KIAA0232: variants seen among roughly 807,000 people sequenced by gnomAD.
KIAA0232 encodes KIAA0232, also known as uncharacterized protein KIAA0232.
Under a neutral mutation model 122.0 loss-of-function variants are expected in KIAA0232, and 27 were observed. The ratio of observed to expected loss-of-function variants is 0.22; its 90% confidence interval spans 0.16 to 0.31. The LOEUF (loss-of-function observed/expected upper bound fraction) is 0.31, where lower values mean the gene tolerates loss of function less well. KIAA0232 is among the 10% of genes least tolerant of loss of function. The pLI is 1.00. For synonymous variants in KIAA0232, 613 were observed against 587.6 expected, an observed-to-expected ratio of 1.04 and a Z score of -0.63; for missense variants, 1,551 against 1,634.2, an observed-to-expected ratio of 0.95 and a Z score of 0.88.
chr4:6,782,800 G>A lies in KIAA0232; in HGVS notation c.-395G>A, dbSNP rs1413531901. 6.7e-6 allele frequency: 1 copy of A among 148,606 alleles called. No individual in the cohort carries two copies. Among genetic ancestry groups the A allele is most frequent in the African/African-American group, 2.4e-5 (1 of 41,018 alleles). 9.2% of individuals were successfully genotyped at this position (148,606 alleles called of 1,614,324 possible). ...CGCAGCCCCTCGGAGCCAGAGGAGAGGCGCCCCCGCCGGCCGCCGCGCCGC... is the reference window on the plus strand; with the variant it reads ...CGCAGCCCCTCGGAGCCAGAGGAGAAGCGCCCCCGCCGGCCGCCGCGCCGC... On this transcript the variant is annotated 5_prime_UTR_variant, in exon 1 of 10. Transcript: ENST00000307659.
intron 2 of KIAA0232, among the ~76,000 whole-genome samples, chr4:6,816,241 T>C (rs1288374558): frequency 2.0e-5 from 3 of 152,018 alleles, no homozygotes; most frequent in Non-Finnish European, 4.4e-5. Flanking sequence ...GCATCTGTAC[T>C]CATGAGGCAT....
rs1722149822 is a variant in KIAA0232, at chr4:6,882,808, A to G, written c.*1842A>G. On this transcript the variant is annotated 3_prime_UTR_variant, in exon 10 of 10. Transcript: ENST00000307659. Reference sequence around the variant, plus strand: ...TAACAGCAAAAGTAAAAAAGGATTGAAAGTTGTAAATTCCTCATATCACTA... The same window carrying G: ...TAACAGCAAAAGTAAAAAAGGATTGGAAGTTGTAAATTCCTCATATCACTA... 4 of 152,704 alleles carry G rather than the reference A, an allele frequency of 2.6e-5. No individual in the cohort carries two copies. In the South Asian group the frequency reaches 8.3e-4, roughly 32 times the overall value. The allele number at this position is 152,704 out of a possible 1,614,324, so 9.5% of individuals were successfully genotyped here. A position where few individuals can be genotyped will look rare whatever the true frequency, so the allele number is the denominator to read the frequency against.
intron 8 of KIAA0232, among the ~76,000 whole-genome samples, chr4:6,875,412 C>T (rs970360952): frequency 3.3e-5 from 5 of 152,234 alleles, no homozygotes; most frequent in African/African-American, 1.2e-4. Flanking sequence ...AATCCCAGAG[C>T]CTGGGGTATT....
rs577830539 is a variant in KIAA0232 at position 6,882,819 on chromosome 4, T to C, written c.*1853T>C. 4 of 152,812 alleles carry C rather than the reference T, an allele frequency of 2.6e-5. No homozygotes were observed. The South Asian group carries it at 6.2e-4, about 24-fold the overall frequency. The allele number at this position is 152,812 out of a possible 1,614,324, so 9.5% of individuals were successfully genotyped here. A position where few individuals can be genotyped will look rare whatever the true frequency, so the allele number is the denominator to read the frequency against. ...GTAAAAAAGGATTGAAAGTTGTAAA[T>C]TCCTCATATCACTACAGTGACGATT... On this transcript the variant is annotated 3_prime_UTR_variant, in exon 10 of 10. Coordinates refer to ENST00000307659, the MANE Select transcript of KIAA0232 (RefSeq NM_014743.3).
intron 1 of KIAA0232, among the ~76,000 whole-genome samples, chr4:6,799,175 C>T (rs981898270): frequency 1.4e-4 from 21 of 151,526 alleles, no homozygotes; most frequent in African/African-American, 4.9e-4. Flanking sequence ...CTGCAGTCTC[C>T]GCATCTGTCT....
chr4:6,846,495 G>A (rs1487442836), intron 4 of KIAA0232, among the ~76,000 whole-genome samples: 1 of 151,926 alleles, frequency 6.6e-6, no homozygotes, highest in Non-Finnish European at 1.5e-5. Flanking sequence ...TAGGGTGAAC[G>A]CTCCTTATAA....
At chr4:6,852,341 C>G (rs139127123) in intron 4 of KIAA0232, among the ~76,000 whole-genome samples, 328 of 152,242 alleles carry the variant, frequency 2.2e-3, no homozygotes, top group Middle Eastern at 6.8e-3. Flanking sequence ...TATTCTCAGT[C>G]TTCTCAGTTG....
At chr4:6,849,331 A>G (rs1432821954) in intron 4 of KIAA0232, among the ~76,000 whole-genome samples, 1 of 152,222 alleles carries the variant, frequency 6.6e-6, no homozygotes, top group Non-Finnish European at 1.5e-5. Flanking sequence ...CTGCAAGAAT[A>G]TAATTCCTGG....
intron 2 of KIAA0232, among the ~76,000 whole-genome samples, chr4:6,823,952 C>G (rs548853746): frequency 3.9e-5 from 6 of 152,096 alleles, no homozygotes; most frequent in Non-Finnish European, 7.4e-5. Flanking sequence ...TGGGTTCAGG[C>G]AGTCTTCCCG....
intron 2 of KIAA0232, among the ~76,000 whole-genome samples, chr4:6,809,133 C>T (rs966407660): frequency 6.6e-6 from 1 of 152,106 alleles, no homozygotes; most frequent in Non-Finnish European, 1.5e-5. Context: ...GTGTTTCAGC[C>T]GTGTCTGTGC....
intron 3 of KIAA0232, among the ~76,000 whole-genome samples, chr4:6,836,798 G>A (rs1256183042): frequency 6.6e-6 from 1 of 151,996 alleles, no homozygotes; most frequent in Non-Finnish European, 1.5e-5. Context: ...AGCACATCTT[G>A]CACCGCCCTT....
intron 1 of KIAA0232, among the ~76,000 whole-genome samples, chr4:6,792,233 T>C (rs1408399185): frequency 6.6e-6 from 1 of 152,236 alleles, no homozygotes; most frequent in African/African-American, 2.4e-5. Context: ...ATATGCCTAG[T>C]ATTACCTTGT....
intron 8 of KIAA0232, among the ~76,000 whole-genome samples, chr4:6,872,459 A>G (rs746318556): frequency 2.2e-4 from 34 of 152,310 alleles, no homozygotes; most frequent in Middle Eastern, 3.4e-3. Flanking sequence ...GGAAGATTTT[A>G]GTTTAGGGTA....
Position 6,861,992 on chromosome 4 carries a change from T to A in KIAA0232, c.1610T>A (p.Ile537Asn). 1 of 1,614,158 alleles carries A rather than the reference T, an allele frequency of 6.2e-7. No homozygotes were observed. The highest frequency in any genetic ancestry group is 8.5e-7 in the Non-Finnish European group (1 of 1,180,024). Residue 537 changes from isoleucine (I) to asparagine (N), a missense_variant, in exon 7 of 10, where the codon ATT (isoleucine) becomes AAT (asparagine). Ile to Asn is a moderately radical substitution (Grantham distance 149). Around this residue, in one of 5 missense-constraint regions of KIAA0232, gnomAD observed 1,108 missense variants for 1,154.8 expected, o/e 0.96. Coordinates refer to ENST00000307659, the MANE Select transcript of KIAA0232 (RefSeq NM_014743.3). ...MQGESRILNM[I>N]RQKSKENTDF... Reference sequence around the variant, plus strand: ...GGAGAAAGTCGGATTTTGAATATGATTCGACAGAAAAGCAAAGAGAACACA... The same window carrying A: ...GGAGAAAGTCGGATTTTGAATATGAATCGACAGAAAAGCAAAGAGAACACA...
intron 4 of KIAA0232, among the ~76,000 whole-genome samples, chr4:6,846,423 G>T (rs139752782): frequency 6.6e-6 from 1 of 152,156 alleles, no homozygotes; most frequent in South Asian, 2.1e-4. Flanking sequence ...CCTCAGATCC[G>T]TTGTGGCATT....
At chr4:6,858,585 T>C in intron 6 of KIAA0232, 79 bp downstream of exon 6, 2 of 901,988 alleles carry the variant, frequency 2.2e-6, no homozygotes, top group Non-Finnish European at 3.4e-6. Context: ...TTCCGTTTTC[T>C]GTTTGTCATC....
chr4:6,802,337 T>C (rs2108928561), intron 1 of KIAA0232, among the ~76,000 whole-genome samples: 1 of 152,320 alleles, frequency 6.6e-6, no homozygotes, highest in East Asian at 1.9e-4. Context: ...GCCACAGCAG[T>C]ACTTGAAGGG....
At position 6,803,204 on chromosome 4, in the gene KIAA0232, C is replaced by CGCAT. The variant is rs202035678; in HGVS notation, c.-353-1319_-353-1318insGCAT. On this transcript the variant is annotated intron_variant, in intron 1 of 9. Coordinates refer to ENST00000307659, the MANE Select transcript of KIAA0232 (RefSeq NM_014743.3). ...CTCTTGAAAGAAATTAAAATGAGTGCATATATATATATATATATATATATG... is the reference window on the plus strand; with the variant it reads ...CTCTTGAAAGAAATTAAAATGAGTGCGCATATATATATATATATATATATATATG... Among the ~76,000 whole-genome samples, 302 of 141,620 alleles carry CGCAT rather than the reference C, an allele frequency of 2.1e-3. 2 individuals are homozygous for CGCAT. Among genetic ancestry groups the CGCAT allele is most frequent in the African/African-American group, 7.6e-3 (293 of 38,498 alleles). The allele number at this position is 141,620 out of a possible 152,430, so 92.9% of individuals were successfully genotyped here. A position where few individuals can be genotyped will look rare whatever the true frequency, so the allele number is the denominator to read the frequency against.
chr4:6,816,422 A>C (rs567570833), intron 2 of KIAA0232, among the ~76,000 whole-genome samples: 3 of 151,950 alleles, frequency 2.0e-5, no homozygotes, highest in Non-Finnish European at 2.9e-5. Flanking sequence ...AGCTGGGACT[A>C]CAAGCGCCTG....
Sources: allele counts gnomAD v4.1 joint callset (sites outside exome capture counted in the v4.1 genomes callset), GRCh38; gene constraint gnomAD v4.1.1; regional missense constraint gnomAD v4.1.1; transcripts MANE v1.5; gene names NCBI Gene and HGNC (gene_info 2026-07-23, HGNC 2026-07-21).